ZNF134: variants seen among roughly 807,000 people sequenced by gnomAD.
The protein encoded by ZNF134 is zinc finger protein 134 (clone pHZ-15).
In ZNF134, 5 loss-of-function variants were observed where a neutral mutation model predicts 2.5. The observed-to-expected ratio is 2.03, with a 90% CI of 1.06 to 4.27. ZNF134 has a LOEUF of 4.27. ZNF134 is among the 30% of genes most tolerant of loss of function. ZNF134 has a pLI of 0.00. For missense variants in ZNF134, 540 were observed against 517.5 expected (o/e 1.04, Z -0.42); for synonymous variants, 176 against 176.2 (o/e 1.00, Z 0.01).
chr19:57,620,831 G>A lies in ZNF134; in HGVS notation c.712G>A (p.Gly238Arg), dbSNP rs1455973195. 2.5e-6 allele frequency: 4 copies of A among 1,614,052 alleles called. No homozygotes were observed. In the African/African-American group the frequency reaches 5.3e-5, roughly 22 times the overall value. Residue 238 changes from glycine (G) to arginine (R), a missense_variant, in exon 3 of 3, where the codon GGA (glycine) becomes AGA (arginine). Gly to Arg is a moderately radical substitution (Grantham distance 125). Coordinates refer to ENST00000396161, the MANE Select transcript of ZNF134 (RefSeq NM_003435.5). ...AAGGCCTTATGAATGCAGCGAATGT[G>A]GAAAAACCTTCAGTCGAAAAGACAA... ...GERPYECSEC[G>R]KTFSRKDNLT...
chr19:57,615,912 T>G (rs1981039410), intron 1 of ZNF134, among the ~76,000 whole-genome samples: 1 of 152,092 alleles, frequency 6.6e-6, no homozygotes. Flanking sequence ...ACAAGAAAGG[T>G]TTGAGAACAA....
chr19:57,621,729 T>G lies in ZNF134; in HGVS notation c.*326T>G. On this transcript the variant is annotated 3_prime_UTR_variant, in exon 3 of 3. Transcript: ENST00000396161. ...TGTATGACAGGTATAGGTATGGATA[T>G]GACCCATTTTTAGCCAAGAGGGTCT... 1 of 429,318 alleles carries G rather than the reference T, an allele frequency of 2.3e-6. No individual in the cohort carries two copies. The highest frequency in any genetic ancestry group is 4.4e-6 in the Non-Finnish European group (1 of 228,254). The allele number at this position is 429,318 out of a possible 1,614,324, so 26.6% of individuals were successfully genotyped here.
chr19:57,614,390 GC>G lies in ZNF134; in HGVS notation c.-166del. On this transcript the variant is annotated 5_prime_UTR_variant, in exon 1 of 3. Transcript: ENST00000396161. ...GCTCGCCAGCGAAGACCCCGCCTGC[GC>G]CCCCGGGGACGGACGACCGCGGTGC... 2.2e-6 allele frequency: 1 copy of G among 453,112 alleles called. No individual in the cohort carries two copies. The highest frequency in any genetic ancestry group is 4.4e-6 in the Non-Finnish European group (1 of 225,556). The allele number at this position is 453,112 out of a possible 1,614,324, so 28.1% of individuals were successfully genotyped here.
At chr19:57,614,676 G>A (rs1981002215) in intron 1 of ZNF134, among the ~76,000 whole-genome samples, 173 bp downstream of exon 1, 1 of 152,194 alleles carries the variant, frequency 6.6e-6, no homozygotes, top group Admixed American at 6.5e-5. Flanking sequence ...TTTGGAGCTG[G>A]ACTGAGCCCG....
intron 1 of ZNF134, among the ~76,000 whole-genome samples, chr19:57,617,471 A>T (rs529555353): frequency 6.6e-6 from 1 of 152,320 alleles, no homozygotes; most frequent in Non-Finnish European, 1.5e-5. Context: ...TTAGTCTGAG[A>T]AGATATAAAG....
At position 57,621,044 on chromosome 19, in the gene ZNF134, A is replaced by G. The variant is rs1190320020; in HGVS notation, c.925A>G (p.Ile309Val). The change falls in exon 3 of 3, where the codon ATT becomes GTT. Residue 309 changes from isoleucine to valine, a missense_variant. Transcript: ENST00000396161. ...HKSTLVQHES[I>V]HTGENPYDCS... ...ATCTACACTTGTTCAGCATGAGAGT[A>G]TTCACACTGGAGAAAATCCTTATGA... 1.7e-5 allele frequency: 28 copies of G among 1,614,248 alleles called. No individual in the cohort carries two copies. The highest frequency in any genetic ancestry group is 2.3e-5 in the Non-Finnish European group (27 of 1,180,038).
intron 2 of ZNF134, among the ~76,000 whole-genome samples, 161 bp from the exon 3 acceptor site, chr19:57,619,999 T>A (rs1981152319): frequency 6.6e-6 from 1 of 152,212 alleles, no homozygotes; most frequent in South Asian, 2.1e-4. Flanking sequence ...GACTCTTAGA[T>A]TCCAGTACTG....
In ZNF134 at chr19:57,621,175, C is replaced by G; in HGVS notation, c.1056C>G (p.Phe352Leu). Reference sequence around the variant, plus strand: ...TTGAGTGCATTGAATGCGGGAAATTCTTTAGTCGAAGTTCTGACTATATTG... The same window carrying G: ...TTGAGTGCATTGAATGCGGGAAATTGTTTAGTCGAAGTTCTGACTATATTG... ...KPFECIECGK[F>L]FSRSSDYIAH... Residue 352 changes from phenylalanine to leucine, a missense_variant, in exon 3 of 3, where the codon TTC becomes TTG. Transcript: ENST00000396161. 6.2e-7 allele frequency: 1 copy of G among 1,614,200 alleles called. No individual in the cohort carries two copies.
chr19:57,620,517 C>T lies in ZNF134; in HGVS notation c.398C>T (p.Thr133Met), dbSNP rs201959999. The T allele has an allele frequency of 4.1e-4, 654 of 1,614,152 alleles. No homozygotes were observed. The highest frequency in any genetic ancestry group is 5.1e-4 in the African/African-American group (38 of 75,036). The change falls in exon 3 of 3, where the codon ACG (threonine) becomes ATG (methionine). Residue 133 changes from threonine to methionine, a missense_variant. Coordinates refer to ENST00000396161, the MANE Select transcript of ZNF134 (RefSeq NM_003435.5). ...KEPHPSEKPF[T>M]CKEEQKNFQA... ...CCTCATCCGTCAGAGAAGCCCTTTA[C>T]GTGTAAGGAGGAGCAGAAAAACTTC...
At chr19:57,615,113 G>A (rs9676286) in intron 1 of ZNF134, among the ~76,000 whole-genome samples, 11,695 of 152,106 alleles carry the variant, frequency 0.077, 690 homozygotes, top group East Asian at 0.16. Flanking sequence ...CTTCCTGAAC[G>A]TGTGAAAGAA....
intron 1 of ZNF134, among the ~76,000 whole-genome samples, chr19:57,617,583 AC>A (rs767097400): frequency 6.6e-5 from 10 of 152,306 alleles, no homozygotes; most frequent in Non-Finnish European, 1.3e-4. Context: ...TTCCAAAGAC[AC>A]TTGAGTGGAG....
In ZNF134 at chr19:57,621,839, C is replaced by A. The variant is rs774551502; in HGVS notation, c.*436C>A. ...CTCACATACTTGTAATCAAGTTTTT[C>A]CAGCCTCCAAGTCACCTGGCCTGGG... On this transcript the variant is annotated 3_prime_UTR_variant, in exon 3 of 3. Coordinates refer to ENST00000396161, the MANE Select transcript of ZNF134 (RefSeq NM_003435.5). The A allele has an allele frequency of 4.9e-5, 15 of 303,362 alleles. No homozygotes were observed. Among genetic ancestry groups the A allele is most frequent in the Non-Finnish European group, 9.1e-5 (14 of 154,112 alleles). 18.8% of individuals were successfully genotyped at this position (303,362 alleles called of 1,614,324 possible).
Position 57,620,441 on chromosome 19 carries a change from A to G in ZNF134, c.322A>G (p.Arg108Gly). Residue 108 changes from arginine (R) to glycine (G), a missense_variant, in exon 3 of 3, where the codon AGG (arginine) becomes GGG (glycine). Coordinates refer to ENST00000396161, the MANE Select transcript of ZNF134 (RefSeq NM_003435.5). ...TTACAGTATAGAGCAACCCTTAAGA[A>G]GGGATAAAAGTGAGGCCTCAATTGT... ...KCYSIEQPLR[R>G]DKSEASIVKN... The G allele has an allele frequency of 6.2e-7, 1 of 1,614,212 alleles. No individual in the cohort carries two copies. The highest frequency in any genetic ancestry group is 8.5e-7 in the Non-Finnish European group (1 of 1,180,042).
At chr19:57,619,968 G>C (rs1210358840) in intron 2 of ZNF134, among the ~76,000 whole-genome samples, 192 bp from the exon 3 acceptor site, 4 of 152,168 alleles carry the variant, frequency 2.6e-5, no homozygotes, top group East Asian at 1.9e-4. Flanking sequence ...TTTGTTTCTT[G>C]TGAGGCCATC....
At position 57,619,416 on chromosome 19, in the gene ZNF134, T is replaced by C; in HGVS notation, c.-53T>C. 6.4e-7 allele frequency: 1 copy of C among 1,573,644 alleles called. No individual in the cohort carries two copies. The highest frequency in any genetic ancestry group is 8.6e-7 in the Non-Finnish European group (1 of 1,158,150). On this transcript the variant is annotated 5_prime_UTR_variant, in exon 2 of 3. Coordinates refer to ENST00000396161, the MANE Select transcript of ZNF134 (RefSeq NM_003435.5). ...CCTATGCTTTGTATCTTCCAGATCCTCTGTGGTTGTTGAATTGTAACAAGA... is the reference window on the plus strand; with the variant it reads ...CCTATGCTTTGTATCTTCCAGATCCCCTGTGGTTGTTGAATTGTAACAAGA...
intron 2 of ZNF134, 27 bp from the exon 3 acceptor site, chr19:57,620,133 A>G (rs754762581): frequency 1.3e-6 from 2 of 1,596,586 alleles, no homozygotes; most frequent in Admixed American, 1.7e-5. Context: ...GTCAGCATGT[A>G]CATCAATAGT....
rs749685725 is a variant in ZNF134, at chr19:57,620,375, C to G, written c.256C>G (p.Gln86Glu). The G allele has an allele frequency of 6.2e-7, 1 of 1,614,176 alleles. No individual in the cohort carries two copies. Among genetic ancestry groups the G allele is most frequent in the South Asian group, 1.1e-5 (1 of 91,088 alleles). The change falls in exon 3 of 3, where the codon CAA becomes GAA. Residue 86 changes from glutamine (Q) to glutamate (E), a missense_variant. Transcript: ENST00000396161. ...TCACACATGTGGGGCATGTGGGAGA[C>G]AATTCTGGTTCAGTGCAAACCTTCA... ...KLHTCGACGR[Q>E]FWFSANLHQY...
At chr19:57,619,704 G>C in intron 2 of ZNF134, 196 bp downstream of exon 2, 1 of 623,170 alleles carries the variant, frequency 1.6e-6, no homozygotes, top group Non-Finnish European at 2.8e-6. Context: ...TCTACCAGAG[G>C]GGCTCTAGTA....
intron 2 of ZNF134, 177 bp downstream of exon 2, chr19:57,619,685 C>A: frequency 1.4e-6 from 1 of 694,180 alleles, no homozygotes; most frequent in Non-Finnish European, 2.4e-6. Context: ...GGGCTGTCTT[C>A]TCCCATTCTC....
Sources: gnomAD v4.1 joint callset for allele counts (sites outside exome capture counted in the v4.1 genomes callset) on GRCh38, gnomAD v4.1.1 for gene constraint, MANE v1.5 for transcripts, NCBI Gene and HGNC (gene_info 2026-07-23, HGNC 2026-07-21) for gene names.